Variants in PCDHGA9 observed in about 807,000 individuals in gnomAD.
PCDHGA9 encodes the protein protocadherin gamma-A9.
A neutral mutation model predicts 62.5 loss-of-function variants in PCDHGA9; 37 were observed. The observed-to-expected ratio is 0.59, with a 90% CI of 0.46 to 0.78. The LOEUF (loss-of-function observed/expected upper bound fraction) is 0.78. PCDHGA9 is among the 30% of genes least tolerant of loss of function. The pLI, the probability that PCDHGA9 is intolerant of heterozygous loss-of-function variation, is 0.00. For synonymous variants in PCDHGA9, 459 were observed against 484.6 expected (o/e 0.95, Z 0.69); for missense variants, 1,138 against 1,166.2 (o/e 0.98, Z 0.35).
intron 1 of PCDHGA9, chr5:141,440,564 A>T (rs531383065): frequency 1.3e-5 from 2 of 152,248 alleles, no homozygotes; most frequent in Non-Finnish European, 2.9e-5. Context: ...TAAGTTACGT[A>T]TCTCTGAGTT....
intron 1 of PCDHGA9, chr5:141,421,475 G>A (rs752558543): frequency 4.3e-6 from 7 of 1,614,150 alleles, no homozygotes. Flanking sequence ...CCGCGAAGCG[G>A]CAGCTTGATC....
At chr5:141,434,713 T>C (rs1377558306) in intron 1 of PCDHGA9, among the ~76,000 whole-genome samples, 1 of 152,088 alleles carries the variant, frequency 6.6e-6, no homozygotes, top group Non-Finnish European at 1.5e-5. Flanking sequence ...GGTAAATCTC[T>C]GTTCAGGGCT....
chr5:141,501,323 A>G (rs2099807887), intron 2 of PCDHGA9, among the ~76,000 whole-genome samples: 1 of 151,850 alleles, frequency 6.6e-6, no homozygotes, highest in East Asian at 1.9e-4. Flanking sequence ...ACACACACAC[A>G]CACACACACA....
At chr5:141,426,858 T>C (rs898486771) in intron 1 of PCDHGA9, 1 of 456,574 alleles carries the variant, frequency 2.2e-6, no homozygotes, top group Non-Finnish European at 4.4e-6. Context: ...CGCTCCAGAA[T>C]TAGTGCTGGA....
chr5:141,478,589 T>C, intron 1 of PCDHGA9: 2 of 1,573,336 alleles, frequency 1.3e-6, no homozygotes, highest in Non-Finnish European at 1.7e-6. Context: ...AGTGCTTTTT[T>C]ATTCCTACAT....
chr5:141,421,817 T>A (rs375019903), intron 1 of PCDHGA9: 34 of 1,613,662 alleles, frequency 2.1e-5, no homozygotes, highest in Non-Finnish European at 2.8e-5. Context: ...GAGCTAGTAC[T>A]GGAGGGAAGC....
intron 1 of PCDHGA9, among the ~76,000 whole-genome samples, chr5:141,481,749 C>T (rs958851030): frequency 6.6e-6 from 1 of 151,976 alleles, no homozygotes; most frequent in Non-Finnish European, 1.5e-5. Context: ...GTCAGGAGTC[C>T]AAGACCAGCC....
chr5:141,485,009 C>A lies in PCDHGA9; in HGVS notation c.2425-9798C>A, dbSNP rs531346426. 4 of 628,216 alleles carry A rather than the reference C, an allele frequency of 6.4e-6. No individual in the cohort carries two copies. Among genetic ancestry groups the A allele is most frequent in the African/African-American group, 3.7e-5 (2 of 54,100 alleles). 38.9% of individuals were successfully genotyped at this position (628,216 alleles called of 1,614,324 possible). On this transcript the variant is annotated intron_variant, in intron 1 of 3. Transcript: ENST00000573521. This position sits in a 1 kb window ranked among gnomAD's most constrained non-coding sequence, Gnocchi z 5.7. Reference sequence around the variant, plus strand: ...GGTGGTGAAAGGCAGACAAATCTACCCCGCCACCAGCAAAAACGGCGCGTA... The same window carrying A: ...GGTGGTGAAAGGCAGACAAATCTACACCGCCACCAGCAAAAACGGCGCGTA...
Position 141,431,559 on chromosome 5 carries a change from C to A in PCDHGA9, c.2424+26183C>A. On this transcript the variant is annotated intron_variant, in intron 1 of 3. Coordinates refer to ENST00000573521, the MANE Select transcript of PCDHGA9 (RefSeq NM_018921.3). The surrounding 1 kb of genome is among the most constrained non-coding windows in gnomAD (Gnocchi z 4.8). ...ACGCAGCTGCTTGTAGTCAACGCTA[C>A]CGACCCTGACGAAGGAGTCAATGCG... is the stretch of plus-strand genomic sequence containing the variant. 6.2e-7 allele frequency: 1 copy of A among 1,614,158 alleles called. No homozygotes were observed. The highest frequency in any genetic ancestry group is 8.5e-7 in the Non-Finnish European group (1 of 1,180,030).
At position 141,418,594 on chromosome 5, in the gene PCDHGA9, C is replaced by G. The variant is rs775489120; in HGVS notation, c.2424+13218C>G. 2.9e-5 allele frequency: 47 copies of G among 1,613,904 alleles called. No individual in the cohort carries two copies. In the South Asian group the frequency reaches 4.6e-4, roughly 16 times the overall value. On this transcript the variant is annotated intron_variant, in intron 1 of 3. Transcript: ENST00000573521. ...ACAACCCCCCAGTGTTCAGCCAGGA[C>G]GTGTACAGGGTTAGCCTTCGGGAAG...
Position 141,477,932 on chromosome 5 carries a change from C to T in PCDHGA9, c.2425-16875C>T. 1 of 1,614,158 alleles carries T rather than the reference C, an allele frequency of 6.2e-7. No homozygotes were observed. The highest frequency in any genetic ancestry group is 8.5e-7 in the Non-Finnish European group (1 of 1,180,034). ...CGCGGATGCAGGGCACAATGCCTGGCTCTCCTACAGTCTCTTGGGATCCCC... is the reference window on the plus strand; with the variant it reads ...CGCGGATGCAGGGCACAATGCCTGGTTCTCCTACAGTCTCTTGGGATCCCC... On this transcript the variant is annotated intron_variant, in intron 1 of 3. Coordinates refer to ENST00000573521, the MANE Select transcript of PCDHGA9 (RefSeq NM_018921.3). This position sits in a 1 kb window ranked among gnomAD's most constrained non-coding sequence, Gnocchi z 4.9.
At position 141,404,727 on chromosome 5, in the gene PCDHGA9, T is replaced by G. The variant is rs762980421; in HGVS notation, c.1775T>G (p.Val592Gly). 1 of 1,613,912 alleles carries G rather than the reference T, an allele frequency of 6.2e-7. No homozygotes were observed. The highest frequency in any genetic ancestry group is 8.5e-7 in the Non-Finnish European group (1 of 1,180,016). The change falls in exon 1 of 4, where the codon GTG (valine) becomes GGG (glycine). Residue 592 changes from valine to glycine, a missense_variant. By Grantham distance (109) the Val-to-Gly change is moderately radical (BLOSUM62 -3). Coordinates refer to ENST00000573521, the MANE Select transcript of PCDHGA9 (RefSeq NM_018921.3). ...AEPGYLVTKV[V>G]AVDRDSGQNA... ...CCTGGCTACCTGGTGACCAAGGTGGTGGCAGTGGACAGAGACTCAGGCCAG... is the reference window on the plus strand; with the variant it reads ...CCTGGCTACCTGGTGACCAAGGTGGGGGCAGTGGACAGAGACTCAGGCCAG...
At position 141,431,954 on chromosome 5, in the gene PCDHGA9, G is replaced by A. The variant is rs912037044; in HGVS notation, c.2424+26578G>A. 6.2e-7 allele frequency: 1 copy of A among 1,613,992 alleles called. No individual in the cohort carries two copies. Among genetic ancestry groups the A allele is most frequent in the African/African-American group, 1.3e-5 (1 of 74,896 alleles). ...GCCCTTTAAATTAGAAAAATCTTAC[G>A]GAAATTACTATAGTTTAGTCACAGA... is the stretch of plus-strand genomic sequence containing the variant. On this transcript the variant is annotated intron_variant, in intron 1 of 3. Coordinates refer to ENST00000573521, the MANE Select transcript of PCDHGA9 (RefSeq NM_018921.3). This position sits in a 1 kb window ranked among gnomAD's most constrained non-coding sequence, Gnocchi z 4.8.
intron 1 of PCDHGA9, chr5:141,413,750 G>T (rs1325273363): frequency 6.2e-7 from 1 of 1,612,538 alleles, no homozygotes; most frequent in African/African-American, 1.3e-5. Flanking sequence ...CGTGCCAATG[G>T]CGTCAAGTAC....
chr5:141,499,565 C>T (rs1291006795), intron 2 of PCDHGA9, among the ~76,000 whole-genome samples: 1 of 152,168 alleles, frequency 6.6e-6, no homozygotes, highest in East Asian at 1.9e-4. Flanking sequence ...CACTATCCAG[C>T]TTCAACTAAT....
intron 1 of PCDHGA9, chr5:141,424,773 T>C (rs1398493027): frequency 6.6e-6 from 1 of 152,206 alleles, no homozygotes; most frequent in African/African-American, 2.4e-5. Flanking sequence ...TGGCAAATAG[T>C]ACATTCAGTT....
Position 141,489,358 on chromosome 5 carries a change from G to C in PCDHGA9, c.2425-5449G>C. 1 of 1,613,144 alleles carries C rather than the reference G, an allele frequency of 6.2e-7. No homozygotes were observed. The highest frequency in any genetic ancestry group is 1.7e-4 in the Middle Eastern group (1 of 6,052). On this transcript the variant is annotated intron_variant, in intron 1 of 3. Coordinates refer to ENST00000573521, the MANE Select transcript of PCDHGA9 (RefSeq NM_018921.3). The surrounding 1 kb of genome is among the most constrained non-coding windows in gnomAD (Gnocchi z 4.5). ...TCGTTACTCAGTGGTGGAGGAGTCT[G>C]AGCCGGGGACGCTGGTGGGGAATGT...
chr5:141,450,702 G>T (rs1466981422), intron 1 of PCDHGA9, among the ~76,000 whole-genome samples: 6 of 152,026 alleles, frequency 3.9e-5, no homozygotes, highest in South Asian at 2.1e-4. Flanking sequence ...GCCCAGGATG[G>T]TCTCCAACTC....
At chr5:141,447,696 G>A (rs1273958794) in intron 1 of PCDHGA9, among the ~76,000 whole-genome samples, 1 of 152,096 alleles carries the variant, frequency 6.6e-6, no homozygotes, top group Non-Finnish European at 1.5e-5. Context: ...TAGAGGGATG[G>A]GTTATAAGGA....
Sources: allele counts gnomAD v4.1 joint callset (sites outside exome capture counted in the v4.1 genomes callset), GRCh38; gene constraint gnomAD v4.1.1; non-coding constraint Gnocchi (gnomAD v3.1); transcripts MANE v1.5; gene names NCBI Gene and HGNC (gene_info 2026-07-23, HGNC 2026-07-21).